The following RARB variants were observed in gnomAD, a reference collection of about 807,000 sequenced individuals.
RARB encodes the protein HBV-activated protein.
RARB carries 17 observed loss-of-function variants against 51.9 expected under a neutral mutation model. The observed-to-expected ratio is 0.33, with a 90% CI of 0.22 to 0.49. The LOEUF (loss-of-function observed/expected upper bound fraction) is 0.49. RARB is among the 20% of genes least tolerant of loss of function. The probability of loss-of-function intolerance (pLI) is 0.99; values close to 1 mark genes in which losing one functional copy is unlikely to be tolerated. For synonymous variants in RARB, 215 were observed against 195.4 expected (o/e 1.10, Z -0.84); for missense variants, 369 against 550.8 (o/e 0.67, Z 3.30).
chr3:25,386,178 C>G (rs534474820), intron 5 of RARB, among the ~76,000 whole-genome samples: 2 of 152,164 alleles, frequency 1.3e-5, no homozygotes, highest in South Asian at 4.2e-4. Context: ...ATCTAACCCA[C>G]TTGAGAAGTC....
intron 4 of RARB, among the ~76,000 whole-genome samples, chr3:25,135,226 A>G (rs1460828947): frequency 6.6e-6 from 1 of 151,974 alleles, no homozygotes; most frequent in Non-Finnish European, 1.5e-5. Context: ...TAGTGCAACT[A>G]AGGAACTGAT....
intron 2 of RARB, among the ~76,000 whole-genome samples, chr3:24,859,963 A>C (rs868500994): frequency 6.6e-6 from 1 of 151,556 alleles, no homozygotes. Context: ...GGTTGGGAAT[A>C]AAAACAAAAA....
intron 3 of RARB, among the ~76,000 whole-genome samples, chr3:25,132,001 G>A (rs1169868444): frequency 6.6e-6 from 1 of 151,876 alleles, no homozygotes; most frequent in Non-Finnish European, 1.5e-5. Context: ...TAAAAAGCAG[G>A]AGTCTAAAGA....
In RARB at chr3:24,898,030, T is replaced by G. The variant is rs546131851; in HGVS notation, c.-380+39278T>G. Among the ~76,000 whole-genome samples the G allele has an allele frequency of 3.9e-5, 6 of 152,290 alleles. No individual in the cohort carries two copies. The East Asian group carries it at 1.2e-3, about 29-fold the overall frequency. On this transcript the variant is annotated intron_variant, in intron 2 of 11. Transcript: ENST00000383772. ...AGACAAATGGAGGAAAGAAAGACTT[T>G]AGACCTCATGGTTTATTTGGCATTC...
chr3:25,511,067 G>C (rs1697868129), intron 3 of RARB, among the ~76,000 whole-genome samples: 2 of 152,066 alleles, frequency 1.3e-5, no homozygotes, highest in South Asian at 4.1e-4. Context: ...GCATGGCTTT[G>C]TTCCAATAAA....
At chr3:25,396,923 G>A (rs747998370) in intron 5 of RARB, among the ~76,000 whole-genome samples, 5 of 152,124 alleles carry the variant, frequency 3.3e-5, no homozygotes, top group Admixed American at 6.5e-5. Context: ...GGCAACCAGT[G>A]AGTATGGCTG....
At chr3:25,439,918 A>C (rs1319032502) in intron 1 of RARB, among the ~76,000 whole-genome samples, 1 of 152,190 alleles carries the variant, frequency 6.6e-6, no homozygotes. Context: ...AGTGAAATAC[A>C]GCATGGTACC....
chr3:25,152,030 A>C (rs1211187115), intron 4 of RARB, among the ~76,000 whole-genome samples: 1 of 152,222 alleles, frequency 6.6e-6, no homozygotes, highest in Non-Finnish European at 1.5e-5. Context: ...TAAATGTTTT[A>C]AGTACTTAAA....
At position 24,911,651 on chromosome 3, in the gene RARB, G is replaced by A. The variant is rs1228434980; in HGVS notation, c.-380+52899G>A. ...TCTCCACGGATGGTATCAGAGGAAT[G>A]TATGAATGTGCCAAATCCTGGCTGG... On this transcript the variant is annotated intron_variant, in intron 2 of 11. Transcript: ENST00000383772. Among the ~76,000 whole-genome samples the A allele has an allele frequency of 2.0e-5, 3 of 152,186 alleles. No individual in the cohort carries two copies. In the East Asian group the frequency reaches 5.8e-4, roughly 29 times the overall value.
chr3:25,131,195 C>T (rs184228521), intron 3 of RARB, among the ~76,000 whole-genome samples: 26 of 151,954 alleles, frequency 1.7e-4, no homozygotes, highest in African/African-American at 3.1e-4. Context: ...GAGGTGCCTA[C>T]GGAATAAGCC....
In RARB at chr3:25,051,007, A is replaced by T. The variant is rs572273923; in HGVS notation, c.-379-9118A>T. Among the ~76,000 whole-genome samples the T allele has an allele frequency of 1.6e-3, 249 of 152,124 alleles. 1 individual carries two copies. Among genetic ancestry groups the T allele is most frequent in the Non-Finnish European group, 2.9e-3 (199 of 68,012 alleles). Reference sequence around the variant, plus strand: ...GACATCATTCATTTACTGTTGTCTCATCTCTCACTCTCTTTAACTGTGTGG... The same window carrying T: ...GACATCATTCATTTACTGTTGTCTCTTCTCTCACTCTCTTTAACTGTGTGG... On this transcript the variant is annotated intron_variant, in intron 2 of 11. Transcript: ENST00000383772.
intron 2 of RARB, among the ~76,000 whole-genome samples, chr3:25,479,039 A>G (rs563980707): frequency 2.0e-5 from 3 of 152,268 alleles, no homozygotes; most frequent in South Asian, 4.1e-4. Context: ...GAAGTCGTCT[A>G]TGGGCCTTTA....
At position 24,937,360 on chromosome 3, in the gene RARB, C is replaced by T. The variant is rs547267470; in HGVS notation, c.-380+78608C>T. Among the ~76,000 whole-genome samples, 26 of 152,246 alleles carry T rather than the reference C, an allele frequency of 1.7e-4. No individual in the cohort carries two copies. In the South Asian group the frequency reaches 5.4e-3, roughly 32 times the overall value. The stretch of plus-strand genomic sequence containing the variant: ...GCCATCAACACACCCAGTTCTCTTG[C>T]ATGAAGAGTCTACCCTGGTGCCAGA... On this transcript the variant is annotated intron_variant, in intron 2 of 11. Transcript: ENST00000383772.
At chr3:25,144,345 C>G (rs1484795369) in intron 4 of RARB, among the ~76,000 whole-genome samples, 1 of 152,056 alleles carries the variant, frequency 6.6e-6, no homozygotes, top group Non-Finnish European at 1.5e-5. Context: ...GCTCACACTC[C>G]TTTGCTAAAA....
chr3:25,358,985 C>A (rs9810741), intron 5 of RARB, among the ~76,000 whole-genome samples: 56,827 of 151,414 alleles, frequency 0.38, 11,264 homozygotes, highest in East Asian at 0.75. Context: ...CAGGATGATG[C>A]TGGTCTCATA....
chr3:25,513,637 C>G (rs1698015530), intron 3 of RARB, among the ~76,000 whole-genome samples: 1 of 140,520 alleles, frequency 7.1e-6, no homozygotes, highest in African/African-American at 2.8e-5. Flanking sequence ...TAGGTCCTAA[C>G]AGAGATTTAC....
At chr3:25,417,505 C>G (rs1707737215) in intron 5 of RARB, among the ~76,000 whole-genome samples, 1 of 152,144 alleles carries the variant, frequency 6.6e-6, no homozygotes. Flanking sequence ...ATAAGTCTCA[C>G]AAAATCCAAT....
chr3:25,144,275 G>A lies in RARB; in HGVS notation c.-280+12067G>A, dbSNP rs17015850. On this transcript the variant is annotated intron_variant, in intron 4 of 11. Transcript: ENST00000383772. ...ACCAGTACACTGAGGATTCAGAATC[G>A]AAGAGGCCCTTCAAATTCTGCTTGA... Among the ~76,000 whole-genome samples, 764 of 152,212 alleles carry A rather than the reference G, an allele frequency of 5.0e-3. 8 individuals carry two copies. Among genetic ancestry groups the A allele is most frequent in the African/African-American group, 0.017 (713 of 41,526 alleles).
intron 5 of RARB, among the ~76,000 whole-genome samples, chr3:25,343,928 C>T (rs1035109332): frequency 6.6e-6 from 1 of 152,106 alleles, no homozygotes; most frequent in Non-Finnish European, 1.5e-5. Flanking sequence ...GAAATTGAAG[C>T]AGACAAAAAG....
Sources: allele counts gnomAD v4.1 joint callset (sites outside exome capture counted in the v4.1 genomes callset), GRCh38; gene constraint gnomAD v4.1.1; transcripts MANE v1.5; gene names NCBI Gene and HGNC (gene_info 2026-07-23, HGNC 2026-07-21).